Variants in KIF6 observed in about 807,000 individuals in gnomAD.
The protein encoded by KIF6 is kinesin-like protein KIF6.
KIF6 carries 106 observed loss-of-function variants against 112.7 expected under a neutral mutation model. The observed-to-expected ratio is 0.94, with a 90% CI of 0.80 to 1.11. The LOEUF (loss-of-function observed/expected upper bound fraction) is 1.11, where lower values mean the gene tolerates loss of function less well. Among genes scored for constraint, KIF6 ranks in the 50% least tolerant of loss-of-function variants. The probability of loss-of-function intolerance (pLI) is 0.00; values close to 1 mark genes in which losing one functional copy is unlikely to be tolerated. For synonymous variants in KIF6, 339 were observed against 339.9 expected (o/e 1.00, Z 0.03); for missense variants, 929 against 964.0 (o/e 0.96, Z 0.48).
chr6:39,367,165 G>A lies in KIF6; in HGVS notation c.1862-4647C>T, dbSNP rs116273508. ...CAGGAGACAGCCTCTGGCTGCTTCT[G>A]ATATGTTCTGAGGCTTGGCTCATCA... On this transcript the variant is annotated intron_variant, in intron 16 of 22. Transcript: ENST00000287152. Among the ~76,000 whole-genome samples the A allele has an allele frequency of 5.0e-3, 761 of 152,280 alleles. 10 individuals carry two copies. The highest frequency in any genetic ancestry group is 0.017 in the African/African-American group (723 of 41,560).
At chr6:39,691,399 C>T (rs1318861754) in intron 3 of KIF6, 1 of 152,190 alleles carries the variant, frequency 6.6e-6, no homozygotes, top group Non-Finnish European at 1.5e-5. Flanking sequence ...AAAACTTCTG[C>T]TCACTTTTGT....
At position 39,358,691 on chromosome 6, in the gene KIF6, G is replaced by C. The variant is rs371159601; in HGVS notation, c.2083-1317C>G. On this transcript the variant is annotated intron_variant, in intron 18 of 22. Coordinates refer to ENST00000287152, the MANE Select transcript of KIF6 (RefSeq NM_145027.6). ...TGGAGTCCACAGACAGAATCCAGGG[G>C]CTCTGCCAATGTGGATGGGAGCCAA... Among the ~76,000 whole-genome samples, 10 of 152,324 alleles carry C rather than the reference G, an allele frequency of 6.6e-5. No homozygotes were observed. The East Asian group carries it at 1.7e-3, about 26-fold the overall frequency.
At chr6:39,421,203 G>A (rs1322607831) in intron 14 of KIF6, among the ~76,000 whole-genome samples, 1 of 152,240 alleles carries the variant, frequency 6.6e-6, no homozygotes, top group Non-Finnish European at 1.5e-5. Flanking sequence ...CCACGAGTGA[G>A]CGGAGAGCTG....
At chr6:39,653,022 A>C (rs1281299595) in intron 3 of KIF6, among the ~76,000 whole-genome samples, 1 of 152,218 alleles carries the variant, frequency 6.6e-6, no homozygotes, top group Non-Finnish European at 1.5e-5. Context: ...TCATGTTTTT[A>C]AAATGCGAGG....
At chr6:39,624,248 G>A (rs566320805) in intron 5 of KIF6, among the ~76,000 whole-genome samples, 22 of 152,116 alleles carry the variant, frequency 1.4e-4, no homozygotes, top group African/African-American at 3.4e-4. Context: ...TTGAAGAGAC[G>A]AATACAGATT....
At chr6:39,357,595 C>T (rs991036076) in intron 18 of KIF6, among the ~76,000 whole-genome samples, 5 of 151,962 alleles carry the variant, frequency 3.3e-5, no homozygotes, top group Admixed American at 2.6e-4. Flanking sequence ...ATTATAGGCA[C>T]CCGCCATCAT....
At chr6:39,339,872 C>G (rs1763226580) in intron 22 of KIF6, among the ~76,000 whole-genome samples, 4 of 152,204 alleles carry the variant, frequency 2.6e-5, no homozygotes, top group Admixed American at 2.0e-4. Context: ...TTAAATTGCC[C>G]TCTCTGGGCT....
At chr6:39,560,611 C>A (rs561236829) in intron 10 of KIF6, among the ~76,000 whole-genome samples, 1 of 152,172 alleles carries the variant, frequency 6.6e-6, no homozygotes, top group Non-Finnish European at 1.5e-5. Context: ...AATTTCTATT[C>A]CCCGCAATTA....
intron 14 of KIF6, among the ~76,000 whole-genome samples, chr6:39,422,044 G>A (rs1366859241): frequency 3.3e-5 from 5 of 152,136 alleles, no homozygotes; most frequent in South Asian, 4.2e-4. Context: ...GTTGCTCAAC[G>A]AGTGACTCCT....
intron 19 of KIF6, among the ~76,000 whole-genome samples, chr6:39,348,374 A>G (rs1384561260): frequency 6.6e-6 from 1 of 152,126 alleles, no homozygotes; most frequent in Non-Finnish European, 1.5e-5. Flanking sequence ...AGGGGCATCT[A>G]GTACTCTTTG....
At chr6:39,664,351 G>T (rs1786329392) in intron 3 of KIF6, among the ~76,000 whole-genome samples, 2 of 152,096 alleles carry the variant, frequency 1.3e-5, no homozygotes, top group Admixed American at 1.3e-4. Flanking sequence ...TGGCAGCCTT[G>T]ATTCTGAGAC....
chr6:39,545,681 T>C lies in KIF6; in HGVS notation c.1189A>G (p.Lys397Glu). The C allele has an allele frequency of 6.2e-7, 1 of 1,610,378 alleles. No homozygotes were observed. The highest frequency in any genetic ancestry group is 8.5e-7 in the Non-Finnish European group (1 of 1,176,780). Residue 397 changes from lysine to glutamate, a missense_variant, in exon 11 of 23, where the codon AAA becomes GAA. This residue lies in a region of KIF6 where 688 missense variants were observed against 662.7 expected (regional missense o/e 1.04). Coordinates refer to ENST00000287152, the MANE Select transcript of KIF6 (RefSeq NM_145027.6). The part of the protein sequence containing the change: ...LTEAELLQLE[K>E]LITSFLEDQD... ...TCTTCCAAAAAGGATGTTATTAGTTTTTCCAGCCTAAAAATACATAATGTA... is the reference window on the plus strand; with the variant it reads ...TCTTCCAAAAAGGATGTTATTAGTTCTTCCAGCCTAAAAATACATAATGTA...
intron 13 of KIF6, among the ~76,000 whole-genome samples, chr6:39,487,922 C>T (rs902767795): frequency 5.3e-5 from 8 of 152,288 alleles, no homozygotes; most frequent in Middle Eastern, 3.4e-3. Context: ...TAACCCTCAA[C>T]ATTGGCCATT....
chr6:39,584,445 A>C (rs1246903672), intron 9 of KIF6, among the ~76,000 whole-genome samples: 2 of 130,148 alleles, frequency 1.5e-5, no homozygotes, highest in Non-Finnish European at 3.2e-5. Flanking sequence ...AAAAAAAAAA[A>C]AAAAAAAAAA....
chr6:39,599,004 G>C (rs895592089), intron 6 of KIF6, among the ~76,000 whole-genome samples: 15 of 152,146 alleles, frequency 9.9e-5, no homozygotes, highest in Non-Finnish European at 2.1e-4. Flanking sequence ...GTTTGTGAGG[G>C]ATGGAAATGA....
At chr6:39,526,441 T>G (rs1777733210) in intron 13 of KIF6, among the ~76,000 whole-genome samples, 1 of 152,188 alleles carries the variant, frequency 6.6e-6, no homozygotes, top group Non-Finnish European at 1.5e-5. Context: ...AACCTGTTTA[T>G]CTCTCCCACC....
At chr6:39,571,964 T>C (rs1780663757) in intron 10 of KIF6, among the ~76,000 whole-genome samples, 1 of 151,300 alleles carries the variant, frequency 6.6e-6, no homozygotes, top group African/African-American at 2.4e-5. Context: ...TTTTTCAGCT[T>C]ACTCCATGGG....
intron 10 of KIF6, among the ~76,000 whole-genome samples, chr6:39,548,835 A>G (rs57350852): frequency 0.034 from 5,241 of 152,300 alleles, 306 homozygotes; most frequent in African/African-American, 0.12. Context: ...AGTACAATAA[A>G]GTCTATTTTT....
intron 13 of KIF6, among the ~76,000 whole-genome samples, chr6:39,437,906 G>A (rs570168868): frequency 1.3e-4 from 20 of 151,944 alleles, no homozygotes; most frequent in East Asian, 3.9e-4. Context: ...AATTATATAC[G>A]GTACATAATA....
Sources: allele counts gnomAD v4.1 joint callset (sites outside exome capture counted in the v4.1 genomes callset), GRCh38; gene constraint gnomAD v4.1.1; regional missense constraint gnomAD v4.1.1; transcripts MANE v1.5; gene names NCBI Gene and HGNC (gene_info 2026-07-23, HGNC 2026-07-21).